SND1: variants seen among roughly 807,000 people sequenced by gnomAD.
The protein encoded by SND1 is staphylococcal nuclease domain-containing protein 1.
Under a neutral mutation model 121.7 loss-of-function variants are expected in SND1, and 38 were observed. The observed-to-expected ratio is 0.31, with a 90% confidence interval of 0.24 to 0.41. The LOEUF is 0.41. Among genes scored for constraint, SND1 ranks in the 10% least tolerant of loss-of-function variants. The probability of loss-of-function intolerance (pLI) is 1.00; values close to 1 mark genes in which losing one functional copy is unlikely to be tolerated. For synonymous variants in SND1, 401 were observed against 447.4 expected (o/e 0.90, Z 1.31); for missense variants, 868 against 1,184.6 (o/e 0.73, Z 3.92).
At chr7:127,691,652 G>A (rs191591122) in intron 2 of SND1, among the ~76,000 whole-genome samples, 2 of 151,772 alleles carry the variant, frequency 1.3e-5, no homozygotes, top group African/African-American at 2.4e-5. Context: ...TCGCTTTGTC[G>A]CCCGGGCTGG....
chr7:127,684,879 T>TAATGTACAATTAAATATTGTATATTGG (rs1442590421), intron 1 of SND1, among the ~76,000 whole-genome samples: 41 of 152,300 alleles, frequency 2.7e-4, no homozygotes, highest in Non-Finnish European at 3.1e-4. Context: ...AGTACTAATT[T>TAATGTACAATTAAATATTGTATATTGG]AATGTACAAT....
At chr7:128,045,877 A>C (rs1792937027) in intron 16 of SND1, among the ~76,000 whole-genome samples, 1 of 152,220 alleles carries the variant, frequency 6.6e-6, no homozygotes, top group Non-Finnish European at 1.5e-5. Flanking sequence ...CAAAGGCAGG[A>C]GAAGCATAGT....
Position 127,714,934 on chromosome 7 carries a change from A to G in SND1, c.1039-6353A>G, listed in dbSNP as rs1175085805. On this transcript the variant is annotated intron_variant, in intron 9 of 23. Transcript: ENST00000354725. ...CTTGGGTTGCTTCTACATTTTAACTATTATGAACAATGCTGCTATCAACAT... is the reference window on the plus strand; with the variant it reads ...CTTGGGTTGCTTCTACATTTTAACTGTTATGAACAATGCTGCTATCAACAT... 2.6e-5 allele frequency among the ~76,000 whole-genome samples: 4 copies of G among 152,206 alleles called. No individual in the cohort carries two copies. The South Asian group carries it at 6.2e-4, about 24-fold the overall frequency.
rs553161285 is a variant in SND1, at chr7:127,974,496, C to G, written c.1670-16451C>G. ...CATTGCCCTCTCTCATTCACTACCT[C>G]GGGAGCCATTTGGTTTCCAAGGAGA... On this transcript the variant is annotated intron_variant, in intron 15 of 23. Transcript: ENST00000354725. 2.7e-3 allele frequency among the ~76,000 whole-genome samples: 415 copies of G among 152,300 alleles called. 1 individual carries two copies. Among genetic ancestry groups the G allele is most frequent in the Non-Finnish European group, 4.8e-3 (324 of 68,024 alleles).
At position 127,911,582 on chromosome 7, in the gene SND1, C is replaced by T. The variant is rs190164990; in HGVS notation, c.1527+6763C>T. ...TGTTGCCCAGGCTGGAGTGCAGTGGCGCCATCTCAGCTCACTGCAACCTCT... is the reference window on the plus strand; with the variant it reads ...TGTTGCCCAGGCTGGAGTGCAGTGGTGCCATCTCAGCTCACTGCAACCTCT... On this transcript the variant is annotated intron_variant, in intron 14 of 23. Coordinates refer to ENST00000354725, the MANE Select transcript of SND1 (RefSeq NM_014390.4). Among the ~76,000 whole-genome samples, 632 of 152,130 alleles carry T rather than the reference C, an allele frequency of 4.2e-3. 7 individuals carry two copies. Among genetic ancestry groups the T allele is most frequent in the African/African-American group, 0.015 (605 of 41,510 alleles).
intron 16 of SND1, among the ~76,000 whole-genome samples, chr7:128,012,320 C>T (rs1340862315): frequency 6.6e-6 from 1 of 152,152 alleles, no homozygotes; most frequent in Non-Finnish European, 1.5e-5. Context: ...TGTAACCGCC[C>T]TGAGAGCTAT....
chr7:127,766,570 T>G (rs1241339308), intron 10 of SND1, among the ~76,000 whole-genome samples: 1 of 151,968 alleles, frequency 6.6e-6, no homozygotes, highest in South Asian at 2.1e-4. Context: ...GGTCAGGAGA[T>G]CAAGACCATC....
intron 16 of SND1, among the ~76,000 whole-genome samples, chr7:127,991,795 C>G (rs1260608682): frequency 6.6e-6 from 1 of 152,214 alleles, no homozygotes; most frequent in Non-Finnish European, 1.5e-5. Flanking sequence ...GAGGCTGTCT[C>G]TCTAATGAGT....
intron 15 of SND1, among the ~76,000 whole-genome samples, chr7:127,936,555 T>C (rs1352461899): frequency 6.6e-6 from 1 of 152,184 alleles, no homozygotes; most frequent in African/African-American, 2.4e-5. Flanking sequence ...TTTCTCTTGT[T>C]TCTTTTCTTG....
chr7:128,024,046 A>G (rs1488815225), intron 16 of SND1, among the ~76,000 whole-genome samples: 2 of 133,636 alleles, frequency 1.5e-5, no homozygotes. Flanking sequence ...CTGTGCTTGT[A>G]AGCACTATGC....
At position 127,719,299 on chromosome 7, in the gene SND1, T is replaced by G. The variant is rs182606940; in HGVS notation, c.1039-1988T>G. Among the ~76,000 whole-genome samples the G allele has an allele frequency of 1.4e-4, 22 of 152,290 alleles. No homozygotes were observed. In the East Asian group the frequency reaches 3.3e-3, roughly 23 times the overall value. On this transcript the variant is annotated intron_variant, in intron 9 of 23. Coordinates refer to ENST00000354725, the MANE Select transcript of SND1 (RefSeq NM_014390.4). ...ACATTTTTACTTGGCATTAGTGTGT[T>G]TAGATGGTAATGGGAATAAGATGTA...
chr7:128,067,510 G>A (rs1042801810), intron 16 of SND1, among the ~76,000 whole-genome samples: 4 of 152,188 alleles, frequency 2.6e-5, no homozygotes, highest in Admixed American at 6.5e-5. Flanking sequence ...ACTTTGTGCA[G>A]TGACTTCCTT....
At position 127,698,869 on chromosome 7, in the gene SND1, C is replaced by G; in HGVS notation, c.350-6C>G. ...TTGTTTTTAAATCCCCCCTTTTCCT[C>G]CTCAGATACCAATGGGGAAAACATT... On this transcript the variant is annotated splice_polypyrimidine_tract_variant and splice_region_variant and intron_variant, in intron 3 of 23. Coordinates refer to ENST00000354725, the MANE Select transcript of SND1 (RefSeq NM_014390.4). The G allele has an allele frequency of 6.2e-7, 1 of 1,613,392 alleles. No individual in the cohort carries two copies. Among genetic ancestry groups the G allele is most frequent in the Non-Finnish European group, 8.5e-7 (1 of 1,179,462 alleles).
intron 1 of SND1, among the ~76,000 whole-genome samples, chr7:127,666,899 G>A (rs888641914): frequency 1.3e-5 from 2 of 152,164 alleles, no homozygotes; most frequent in African/African-American, 4.8e-5. Context: ...AGGGACTTGA[G>A]TTTTTATTCC....
intron 4 of SND1, 137 bp from the exon 5 acceptor site, chr7:127,701,026 G>T (rs1587605590): frequency 3.5e-6 from 3 of 863,728 alleles, no homozygotes; most frequent in East Asian, 2.5e-5. Flanking sequence ...TTATAGGCTT[G>T]GGTCTTAAGC....
intron 12 of SND1, among the ~76,000 whole-genome samples, chr7:127,880,392 G>A (rs545451794): frequency 6.6e-6 from 1 of 152,170 alleles, no homozygotes; most frequent in Admixed American, 6.5e-5. Flanking sequence ...GGGGGTCTTG[G>A]AGCATATATT....
intron 1 of SND1, among the ~76,000 whole-genome samples, chr7:127,657,795 G>A (rs1006325328): frequency 1.3e-5 from 2 of 152,144 alleles, no homozygotes; most frequent in Non-Finnish European, 2.9e-5. Context: ...CACTGCACTT[G>A]GCCTATGATT....
intron 10 of SND1, among the ~76,000 whole-genome samples, chr7:127,732,520 G>A (rs1158126438): frequency 2.0e-5 from 3 of 152,176 alleles, no homozygotes; most frequent in African/African-American, 7.2e-5. Flanking sequence ...GCAAATGAAT[G>A]CTTAGCATTG....
At position 127,710,277 on chromosome 7, in the gene SND1, C is replaced by G. The variant is rs58335877; in HGVS notation, c.1038+2630C>G. On this transcript the variant is annotated intron_variant, in intron 9 of 23. Coordinates refer to ENST00000354725, the MANE Select transcript of SND1 (RefSeq NM_014390.4). ...CAGAGGTGAGTAGTTGTGATAGAAACTGCGTGGCCTGCAAAGCCTAAAATA... is the reference window on the plus strand; with the variant it reads ...CAGAGGTGAGTAGTTGTGATAGAAAGTGCGTGGCCTGCAAAGCCTAAAATA... Among the ~76,000 whole-genome samples, 499 of 152,198 alleles carry G rather than the reference C, an allele frequency of 3.3e-3. 2 individuals are homozygous for G. Among genetic ancestry groups the G allele is most frequent in the African/African-American group, 0.011 (440 of 41,542 alleles).
Sources: gnomAD v4.1 joint callset for allele counts (sites outside exome capture counted in the v4.1 genomes callset) on GRCh38, gnomAD v4.1.1 for gene constraint, MANE v1.5 for transcripts, NCBI Gene and HGNC (gene_info 2026-07-23, HGNC 2026-07-21) for gene names.